LIFR: variants seen among roughly 807,000 people sequenced by gnomAD.
LIFR encodes LIF receptor subunit alpha.
Under a neutral mutation model 122.2 loss-of-function variants are expected in LIFR, and 84 were observed. The observed-to-expected ratio is 0.69, with a 90% CI of 0.58 to 0.82. The LOEUF (loss-of-function observed/expected upper bound fraction) is 0.82. Among genes scored for constraint, LIFR ranks in the 40% least tolerant of loss-of-function variants. The probability of loss-of-function intolerance (pLI) is 0.00; values close to 1 mark genes in which losing one functional copy is unlikely to be tolerated. For synonymous variants in LIFR, 422 were observed against 434.7 expected (o/e 0.97, Z 0.36); for missense variants, 1,294 against 1,311.6 (o/e 0.99, Z 0.21).
intron 1 of LIFR, among the ~76,000 whole-genome samples, chr5:38,531,545 T>C (rs1747009070): frequency 6.6e-6 from 1 of 151,410 alleles, no homozygotes; most frequent in South Asian, 2.1e-4. Flanking sequence ...ATGGCATAAC[T>C]ATAAAAAACT....
chr5:38,572,586 G>A (rs913483091), intron 1 of LIFR, among the ~76,000 whole-genome samples: 6 of 152,174 alleles, frequency 3.9e-5, no homozygotes, highest in African/African-American at 1.4e-4. Context: ...GCTTATGACA[G>A]ACATCTCCAG....
At chr5:38,536,949 A>G (rs1357034730) in intron 1 of LIFR, among the ~76,000 whole-genome samples, 1 of 152,214 alleles carries the variant, frequency 6.6e-6, no homozygotes, top group Non-Finnish European at 1.5e-5. Context: ...CAAATAGAAT[A>G]ATCTTGTCAA....
intron 14 of LIFR, among the ~76,000 whole-genome samples, chr5:38,492,530 T>C (rs972245939): frequency 6.6e-6 from 1 of 151,936 alleles, no homozygotes; most frequent in Non-Finnish European, 1.5e-5. Context: ...CAGTGCACTG[T>C]AAGGAAGGAT....
chr5:38,590,462 C>A (rs1749888277), intron 1 of LIFR, among the ~76,000 whole-genome samples: 1 of 152,134 alleles, frequency 6.6e-6, no homozygotes, highest in South Asian at 2.1e-4. Flanking sequence ...CTGTGCCTGG[C>A]ATAACATGGA....
At chr5:38,560,229 A>G (rs1437351843), upstream of LIFR, among the ~76,000 whole-genome samples, 1 of 152,242 alleles carries the variant, frequency 6.6e-6, no homozygotes, top group Non-Finnish European at 1.5e-5. Context: ...AATAATTGAA[A>G]TGAGTGAAAC....
chr5:38,555,062 T>G (rs1198454391), intron 1 of LIFR: 1 of 152,178 alleles, frequency 6.6e-6, no homozygotes. Context: ...GCTGCTCCGA[T>G]CACCTTGGGA....
intron 1 of LIFR, among the ~76,000 whole-genome samples, chr5:38,546,281 A>T (rs1378114098): frequency 2.0e-5 from 3 of 152,350 alleles, no homozygotes; most frequent in East Asian, 3.9e-4. Context: ...TAAGGAACAA[A>T]ACTGAATATC....
rs564678968 is a variant in LIFR at position 38,477,694 on chromosome 5, C to G, written c.*3901G>C. ...AATCTTTGAGTCAATAGTCTCAGATCCACACAAGCTAGATTTTGGTGTGTA... is the reference window on the plus strand; with the variant it reads ...AATCTTTGAGTCAATAGTCTCAGATGCACACAAGCTAGATTTTGGTGTGTA... On this transcript the variant is annotated 3_prime_UTR_variant, in exon 20 of 20. Transcript: ENST00000453190. 7 of 217,996 alleles carry G rather than the reference C, an allele frequency of 3.2e-5. No individual in the cohort carries two copies. The highest frequency in any genetic ancestry group is 5.5e-5 in the Non-Finnish European group (6 of 108,228). 13.5% of individuals were successfully genotyped at this position (217,996 alleles called of 1,614,324 possible). A position where few individuals can be genotyped will look rare whatever the true frequency, so the allele number is the denominator to read the frequency against.
chr5:38,529,953 C>T (rs1746912263), intron 2 of LIFR, among the ~76,000 whole-genome samples: 1 of 151,956 alleles, frequency 6.6e-6, no homozygotes, highest in African/African-American at 2.4e-5. Flanking sequence ...AACCAACGGG[C>T]AGGAGGATGA....
At chr5:38,498,687 G>A (rs1253811046) in intron 12 of LIFR, among the ~76,000 whole-genome samples, 1 of 152,092 alleles carries the variant, frequency 6.6e-6, no homozygotes, top group African/African-American at 2.4e-5. Flanking sequence ...TCAAACTTTC[G>A]TATATTGAAG....
intron 12 of LIFR, among the ~76,000 whole-genome samples, chr5:38,496,868 T>G (rs1283252239): frequency 6.6e-6 from 1 of 151,934 alleles, no homozygotes; most frequent in Non-Finnish European, 1.5e-5. Flanking sequence ...TCCCAGCTAC[T>G]TGGGAGGCTG....
At chr5:38,543,178 T>C (rs1342784096) in intron 1 of LIFR, among the ~76,000 whole-genome samples, 1 of 151,922 alleles carries the variant, frequency 6.6e-6, no homozygotes. Flanking sequence ...TTAATAAGAA[T>C]GATACTAGAT....
At chr5:38,546,820 G>A (rs1045129792) in intron 1 of LIFR, among the ~76,000 whole-genome samples, 3 of 152,206 alleles carry the variant, frequency 2.0e-5, no homozygotes, top group Non-Finnish European at 4.4e-5. Context: ...CAGCAATGCA[G>A]CCTGTGGAAT....
intron 15 of LIFR, among the ~76,000 whole-genome samples, chr5:38,489,573 C>G (rs1341029182): frequency 6.6e-6 from 1 of 151,984 alleles, no homozygotes; most frequent in Non-Finnish European, 1.5e-5. Flanking sequence ...TATTGATAGT[C>G]CTGAAGAAGT....
intron 1 of LIFR, among the ~76,000 whole-genome samples, chr5:38,538,189 T>C (rs761605885): frequency 2.0e-5 from 3 of 152,212 alleles, no homozygotes; most frequent in Admixed American, 6.5e-5. Context: ...CTCACTGACT[T>C]GAGATGCCAT....
intron 11 of LIFR, among the ~76,000 whole-genome samples, chr5:38,501,980 TG>T (rs980395542): frequency 3.8e-5 from 5 of 130,124 alleles, no homozygotes; most frequent in South Asian, 2.7e-4. Context: ...TTTTAGTAAT[TG>T]TTTTTTTTTT....
chr5:38,574,133 C>CA (rs1180707209), intron 1 of LIFR, among the ~76,000 whole-genome samples: 12 of 150,432 alleles, frequency 8.0e-5, no homozygotes, highest in East Asian at 3.9e-4. Context: ...CACAACAAAA[C>CA]AAAAAAAAAG....
chr5:38,543,933 C>G (rs1007059743), intron 1 of LIFR, among the ~76,000 whole-genome samples: 9 of 151,992 alleles, frequency 5.9e-5, no homozygotes, highest in African/African-American at 2.2e-4. Context: ...TGATTCATAA[C>G]CCTCCTAAAT....
In LIFR at chr5:38,506,614, T is replaced by G. The variant is rs1561155601; in HGVS notation, c.1010A>C (p.Gln337Pro). Residue 337 changes from glutamine (Q) to proline (P), a missense_variant, in exon 8 of 20, where the codon CAA becomes CCA. Coordinates refer to ENST00000453190, the MANE Select transcript of LIFR (RefSeq NM_001127671.2). ...ATCATGTGTCTCACAATTCAGTTGT[T>G]GAGGAGTATCTGGTGGATCTAACAG... is the stretch of plus-strand genomic sequence containing the variant. The part of the protein sequence containing the change: ...IFAGYPPDTP[Q>P]QLNCETHDLK... The G allele has an allele frequency of 6.2e-7, 1 of 1,613,358 alleles. No individual in the cohort carries two copies.
Sources: gnomAD v4.1 joint callset for allele counts (sites outside exome capture counted in the v4.1 genomes callset) on GRCh38, gnomAD v4.1.1 for gene constraint, MANE v1.5 for transcripts, NCBI Gene and HGNC (gene_info 2026-07-23, HGNC 2026-07-21) for gene names.